The following PAK1 variants were observed in gnomAD, a reference collection of about 807,000 sequenced individuals.
The protein encoded by PAK1 is p21 (RAC1) activated kinase 1.
PAK1 carries 29 observed loss-of-function variants against 67.4 expected under a neutral mutation model. The observed-to-expected ratio is 0.43, with a 90% CI of 0.32 to 0.59. PAK1 has a LOEUF of 0.59. Among genes scored for constraint, PAK1 ranks in the 20% least tolerant of loss-of-function variants. The probability of loss-of-function intolerance (pLI) is 0.07; values close to 1 mark genes in which losing one functional copy is unlikely to be tolerated. For missense variants in PAK1, 337 were observed against 670.7 expected, an observed-to-expected ratio of 0.50 and a Z score of 5.50; for synonymous variants, 223 against 237.4, an observed-to-expected ratio of 0.94 and a Z score of 0.56.
chr11:77,427,589 C>T (rs1592431879), intron 1 of PAK1, among the ~76,000 whole-genome samples: 1 of 152,278 alleles, frequency 6.6e-6, no homozygotes, highest in East Asian at 1.9e-4. Context: ...GTGGTAACTT[C>T]ACCATCCAAA....
At chr11:77,332,095 G>GA (rs963681697) in intron 14 of PAK1, among the ~76,000 whole-genome samples, 1 of 151,252 alleles carries the variant, frequency 6.6e-6, no homozygotes, top group African/African-American at 2.4e-5. Flanking sequence ...TTGAACCCAG[G>GA]AATTTGAGAC....
At chr11:77,483,313 G>A in the PAK1 span, among the ~76,000 whole-genome samples, 2 of 152,152 alleles carry the variant, frequency 1.3e-5, no homozygotes, top group Non-Finnish European at 2.9e-5. Flanking sequence ...GTAATCCATG[G>A]ACAGAAATAA....
At chr11:77,460,453 C>T (rs987378383) in intron 1 of PAK1, among the ~76,000 whole-genome samples, 1 of 149,538 alleles carries the variant, frequency 6.7e-6, no homozygotes, top group African/African-American at 2.5e-5. Flanking sequence ...AGGTAAGGTA[C>T]TCGAAGTAGA....
intron 1 of PAK1, among the ~76,000 whole-genome samples, chr11:77,393,945 G>A (rs953759427): frequency 6.6e-5 from 10 of 152,198 alleles, no homozygotes; most frequent in African/African-American, 9.7e-5. Flanking sequence ...AAAGGCTGCA[G>A]TGAACCAAGA....
intron 5 of PAK1, among the ~76,000 whole-genome samples, chr11:77,370,332 C>T (rs1948260093): frequency 6.6e-6 from 1 of 152,158 alleles, no homozygotes; most frequent in Non-Finnish European, 1.5e-5. Flanking sequence ...CTCTCTGAGG[C>T]CCCTATACCC....
intron 1 of PAK1, among the ~76,000 whole-genome samples, chr11:77,448,761 G>A (rs1956725540): frequency 6.6e-6 from 1 of 152,226 alleles, no homozygotes; most frequent in African/African-American, 2.4e-5. Flanking sequence ...ATTAGCATGA[G>A]GAAGGGACTA....
chr11:77,354,534 TTAATTCTAAGTCA>T (rs1215944774), intron 7 of PAK1, among the ~76,000 whole-genome samples: 2 of 152,178 alleles, frequency 1.3e-5, no homozygotes, highest in African/African-American at 2.4e-5. Context: ...AGGCCAAGTC[TTAATTCTAAGTCA>T]TAATTCTAAG....
chr11:77,501,161 A>C, the PAK1 span, among the ~76,000 whole-genome samples: 5 of 147,864 alleles, frequency 3.4e-5, no homozygotes, highest in Admixed American at 3.3e-4. Flanking sequence ...AAAAAAAAAA[A>C]CAAAAAACAA....
chr11:77,453,809 G>A (rs1038696960), intron 1 of PAK1, among the ~76,000 whole-genome samples: 3 of 152,070 alleles, frequency 2.0e-5, no homozygotes, highest in Non-Finnish European at 2.9e-5. Flanking sequence ...GGCTGGGTGC[G>A]GTGGCTCACA....
At chr11:77,470,198 G>A (rs1957783608) in intron 1 of PAK1, among the ~76,000 whole-genome samples, 1 of 152,048 alleles carries the variant, frequency 6.6e-6, no homozygotes, top group Non-Finnish European at 1.5e-5. Flanking sequence ...ATTCCACCTT[G>A]ATTTTTGTTT....
At chr11:77,455,596 CT>C (rs1957048154) in intron 1 of PAK1, among the ~76,000 whole-genome samples, 1 of 152,196 alleles carries the variant, frequency 6.6e-6, no homozygotes, top group South Asian at 2.1e-4. Context: ...ATTTCTTTAA[CT>C]CTCCCAAAGA....
intron 1 of PAK1, among the ~76,000 whole-genome samples, chr11:77,419,241 G>C (rs188120570): frequency 8.4e-4 from 128 of 152,338 alleles, no homozygotes; most frequent in Admixed American, 2.2e-3. Flanking sequence ...AGATGACTCT[G>C]TACATTCAAA....
chr11:77,476,375 A>T (rs1958061551), upstream of PAK1: 1 of 152,178 alleles, frequency 6.6e-6, no homozygotes, highest in African/African-American at 2.4e-5. Flanking sequence ...ATTGACTCTA[A>T]TCTGGATTGT....
intron 4 of PAK1, among the ~76,000 whole-genome samples, chr11:77,375,945 G>A (rs1214164639): frequency 2.0e-5 from 3 of 152,114 alleles, no homozygotes; most frequent in African/African-American, 7.2e-5. Flanking sequence ...AACCCACAAA[G>A]CAGGAAATAA....
the PAK1 span, among the ~76,000 whole-genome samples, chr11:77,527,623 T>C: frequency 1.3e-5 from 2 of 152,176 alleles, no homozygotes; most frequent in Non-Finnish European, 2.9e-5. Context: ...AAAGCCAAGA[T>C]CTTTCCATTG....
chr11:77,332,368 GGAAGGGAAGGGAAGGGAAGGGA>G (rs1941812268), intron 14 of PAK1, among the ~76,000 whole-genome samples: 3 of 1,162 alleles, frequency 2.6e-3, no homozygotes, highest in Non-Finnish European at 5.8e-3. Context: ...GGAAGGGAAA[GGAAGGGAAGGGAAGGGAAGGGA>G]AGGGAAGGGA....
chr11:77,418,606 G>A (rs1310872402), intron 1 of PAK1, among the ~76,000 whole-genome samples: 40 of 152,176 alleles, frequency 2.6e-4, no homozygotes, highest in Admixed American at 2.6e-3. Context: ...GACTTAAAAT[G>A]CAGAACTTCA....
chr11:77,339,491 A>G (rs1312947850), intron 11 of PAK1, among the ~76,000 whole-genome samples: 2 of 57,756 alleles, frequency 3.5e-5, no homozygotes, highest in African/African-American at 2.2e-4. Context: ...GTAGTGGAAC[A>G]AAAAAAAAAG....
chr11:77,366,398 T>C (rs1207048147), intron 5 of PAK1, among the ~76,000 whole-genome samples: 1 of 152,232 alleles, frequency 6.6e-6, no homozygotes. Flanking sequence ...GCTTCCAATA[T>C]ATACAGTACG....
Sources: allele counts gnomAD v4.1 joint callset (sites outside exome capture counted in the v4.1 genomes callset), GRCh38; gene constraint gnomAD v4.1.1; transcripts MANE v1.5; gene names NCBI Gene and HGNC (gene_info 2026-07-23, HGNC 2026-07-21).